PLAGL1: variants seen among roughly 807,000 people sequenced by gnomAD.
PLAGL1 encodes PLAG1 like zinc finger 1, also known as zinc finger protein PLAGL1.
In PLAGL1, 1 loss-of-function variant was observed where a neutral mutation model predicts 4.6. The ratio of observed to expected loss-of-function variants is 0.22; its 90% CI spans 0.08 to 1.03. The LOEUF (loss-of-function observed/expected upper bound fraction) is 1.03, where lower values mean the gene tolerates loss of function less well. Ranked by LOEUF, PLAGL1 falls within the 50% of genes least tolerant of loss-of-function variation. The pLI is 0.58. For synonymous variants in PLAGL1, 240 were observed against 237.8 expected, an observed-to-expected ratio of 1.01 and a Z score of -0.08; for missense variants, 464 against 570.4, an observed-to-expected ratio of 0.81 and a Z score of 1.90.
intron 1 of PLAGL1, among the ~76,000 whole-genome samples, chr6:144,017,110 G>A (rs1026909411): frequency 6.6e-6 from 1 of 152,026 alleles, no homozygotes; most frequent in Admixed American, 6.5e-5. Context: ...CTTTTAGTGT[G>A]TTCAACTCAA....
At position 144,006,288 on chromosome 6, in the gene PLAGL1, C is replaced by G. The variant is rs563726632; in HGVS notation, c.-584+1802G>C. On this transcript the variant is annotated intron_variant, in intron 1 of 7. Coordinates refer to ENST00000674357, the MANE Select transcript of PLAGL1 (RefSeq NM_001317162.2). This position sits in a 1 kb window ranked among gnomAD's most constrained non-coding sequence, Gnocchi z 4.3. ...CTCAGGCTTCTTCAGTTTGCAACAC[C>G]CATATTTTAACATATTTGGGGGGAA... 1 of 152,100 alleles carries G rather than the reference C, an allele frequency of 6.6e-6. No individual in the cohort carries two copies. Among genetic ancestry groups the G allele is most frequent in the Admixed American group, 6.5e-5 (1 of 15,280 alleles). 9.4% of individuals were successfully genotyped at this position (152,100 alleles called of 1,614,324 possible). A position where few individuals can be genotyped will look rare whatever the true frequency, so the allele number is the denominator to read the frequency against.
In PLAGL1 at chr6:144,000,800, AAAAC is replaced by A. The variant is rs964293449; in HGVS notation, c.-584+7286_-584+7289del. On this transcript the variant is annotated intron_variant, in intron 1 of 7. Transcript: ENST00000674357. This position sits in a 1 kb window ranked among gnomAD's most constrained non-coding sequence, Gnocchi z 4.1. ...GGAAATATGGAGAGCTAGACATTCTAAAACAAACCTTTTAATACTTGCAAAGTTC... is the reference window on the plus strand; with the variant it reads ...GGAAATATGGAGAGCTAGACATTCTAAAACCTTTTAATACTTGCAAAGTTC... 1.2e-4 allele frequency among the ~76,000 whole-genome samples: 18 copies of A among 152,162 alleles called. No individual in the cohort carries two copies. Among genetic ancestry groups the A allele is most frequent in the African/African-American group, 4.1e-4 (17 of 41,446 alleles).
chr6:143,996,542 A>G (rs1257721440), intron 1 of PLAGL1, among the ~76,000 whole-genome samples: 3 of 151,898 alleles, frequency 2.0e-5, no homozygotes, highest in Non-Finnish European at 1.5e-5. Context: ...TACTGACAAG[A>G]TGTAGGCAGA....
At position 144,000,118 on chromosome 6, in the gene PLAGL1, T is replaced by G. The variant is rs1250870518; in HGVS notation, c.-584+7972A>C. 6.6e-6 allele frequency among the ~76,000 whole-genome samples: 1 copy of G among 152,142 alleles called. No homozygotes were observed. Among genetic ancestry groups the G allele is most frequent in the Non-Finnish European group, 1.5e-5 (1 of 68,004 alleles). ...AATACAATTCATGATATAAAACTCTTAGAGAACTAGAAGAAGAGAACTTTA... is the reference window on the plus strand; with the variant it reads ...AATACAATTCATGATATAAAACTCTGAGAGAACTAGAAGAAGAGAACTTTA... On this transcript the variant is annotated intron_variant, in intron 1 of 7. Transcript: ENST00000674357. The surrounding 1 kb of genome is among the most constrained non-coding windows in gnomAD (Gnocchi z 4.1).
At chr6:143,946,932 C>T (rs190941394) in intron 7 of PLAGL1, among the ~76,000 whole-genome samples, 16 of 152,320 alleles carry the variant, frequency 1.1e-4, no homozygotes, top group East Asian at 3.9e-4. Context: ...GTCCCAGTAC[C>T]GTGCAGCACA....
chr6:144,027,085 G>C lies in PLAGL1; in HGVS notation c.-151+37383C>G, dbSNP rs775433779. 6.6e-6 allele frequency among the ~76,000 whole-genome samples: 1 copy of C among 151,696 alleles called. No individual in the cohort carries two copies. The highest frequency in any genetic ancestry group is 1.5e-5 in the Non-Finnish European group (1 of 67,976). ...ACAAAATTAAAAAAATTAGTCAGCC[G>C]CGGTGGCATGCATCTGTGATCCCAG... is the stretch of plus-strand genomic sequence containing the variant. On this transcript the variant is annotated intron_variant, in intron 1 of 3. Coordinates refer to the PLAGL1 transcript ENST00000437412. The surrounding 1 kb of genome is among the most constrained non-coding windows in gnomAD (Gnocchi z 5.8).
rs1355375585 is a variant in PLAGL1 at position 143,990,584 on chromosome 6, C to T, written c.-583-5410G>A. Among the ~76,000 whole-genome samples the T allele has an allele frequency of 1.3e-5, 2 of 152,152 alleles. No individual in the cohort carries two copies. The highest frequency in any genetic ancestry group is 2.9e-5 in the Non-Finnish European group (2 of 68,038). On this transcript the variant is annotated intron_variant, in intron 1 of 7. Coordinates refer to ENST00000674357, the MANE Select transcript of PLAGL1 (RefSeq NM_001317162.2). The surrounding 1 kb of genome is among the most constrained non-coding windows in gnomAD (Gnocchi z 5.4). Reference sequence around the variant, plus strand: ...CCCATTCCCCAGGCTCTTATCTCTACCACTCTATCAAAAGATCTTTATCAA... The same window carrying T: ...CCCATTCCCCAGGCTCTTATCTCTATCACTCTATCAAAAGATCTTTATCAA...
At chr6:144,062,149 G>A (rs1048317893) in intron 1 of PLAGL1, among the ~76,000 whole-genome samples, 5 of 152,076 alleles carry the variant, frequency 3.3e-5, no homozygotes, top group Admixed American at 6.6e-5. Context: ...AGATGAAGGC[G>A]GGCAGATCAC....
chr6:143,947,867 A>G lies in PLAGL1; in HGVS notation c.152+118T>C, dbSNP rs1002597901. ...TGGATGCAGATTTCAAGAATCCCTC[A>G]AAGGCTAAAATGCATCCATATCCTG... On this transcript the variant is annotated intron_variant, in intron 7 of 7. Coordinates refer to ENST00000674357, the MANE Select transcript of PLAGL1 (RefSeq NM_001317162.2). The surrounding 1 kb of genome is among the most constrained non-coding windows in gnomAD (Gnocchi z 4.3). 7.8e-6 allele frequency: 6 copies of G among 770,480 alleles called. No homozygotes were observed. Among genetic ancestry groups the G allele is most frequent in the Non-Finnish European group, 1.3e-5 (6 of 476,642 alleles). The allele number at this position is 770,480 out of a possible 1,614,324, so 47.7% of individuals were successfully genotyped here. A position where few individuals can be genotyped will look rare whatever the true frequency, so the allele number is the denominator to read the frequency against.
chr6:144,019,336 G>A (rs1284092763), intron 1 of PLAGL1, among the ~76,000 whole-genome samples: 1 of 152,108 alleles, frequency 6.6e-6, no homozygotes, highest in Non-Finnish European at 1.5e-5. Flanking sequence ...GCCAGGCATG[G>A]TGGTGGGCGC....
Position 144,064,397 on chromosome 6 carries a change from C to G in PLAGL1, c.-151+71G>C, listed in dbSNP as rs555534029. ...CCCACGCGCCCACCTTAACGCCGCG[C>G]CCCCGGCTCCCCGCCCCGCTGCCAG... On this transcript the variant is annotated intron_variant, in intron 1 of 3. Transcript: ENST00000437412. This position sits in a 1 kb window ranked among gnomAD's most constrained non-coding sequence, Gnocchi z 6.8. The G allele has an allele frequency of 6.6e-6, 1 of 152,306 alleles. No individual in the cohort carries two copies. The highest frequency in any genetic ancestry group is 2.1e-4 in the South Asian group (1 of 4,836). The allele number at this position is 152,306 out of a possible 1,614,324, so 9.4% of individuals were successfully genotyped here.
intron 1 of PLAGL1, among the ~76,000 whole-genome samples, chr6:144,002,259 C>G (rs1344104247): frequency 2.0e-5 from 3 of 151,996 alleles, no homozygotes; most frequent in Admixed American, 6.6e-5. Flanking sequence ...GAACTAGAAA[C>G]AGAAGAAAAT....
chr6:144,021,397 T>C (rs1027162586), intron 1 of PLAGL1, among the ~76,000 whole-genome samples: 3 of 152,200 alleles, frequency 2.0e-5, no homozygotes, highest in South Asian at 2.1e-4. Flanking sequence ...ATCTTTAAGG[T>C]ATTGTACACT....
chr6:144,057,761 C>A (rs1181205902), intron 1 of PLAGL1, among the ~76,000 whole-genome samples: 2 of 147,754 alleles, frequency 1.4e-5, no homozygotes. Flanking sequence ...GCCTTCCACA[C>A]CACCACGCCT....
chr6:143,957,898 T>G lies in PLAGL1; in HGVS notation c.-325+2571A>C, dbSNP rs1044536446. Among the ~76,000 whole-genome samples the G allele has an allele frequency of 6.6e-6, 1 of 152,224 alleles. No homozygotes were observed. Among genetic ancestry groups the G allele is most frequent in the Non-Finnish European group, 1.5e-5 (1 of 68,032 alleles). ...ATTTATAGATGACCTCATTGTTTAT[T>G]TTTTGAATATCTGCACTTTCTAAAG... On this transcript the variant is annotated intron_variant, in intron 6 of 7. Coordinates refer to ENST00000674357, the MANE Select transcript of PLAGL1 (RefSeq NM_001317162.2). This position sits in a 1 kb window ranked among gnomAD's most constrained non-coding sequence, Gnocchi z 4.2.
Position 143,952,623 on chromosome 6 carries a change from C to T in PLAGL1, c.-324-4163G>A, listed in dbSNP as rs112764508. 0.03 allele frequency among the ~76,000 whole-genome samples: 4,618 copies of T among 152,182 alleles called. 193 individuals carry two copies. The highest frequency in any genetic ancestry group is 0.094 in the African/African-American group (3,921 of 41,510). On this transcript the variant is annotated intron_variant, in intron 6 of 7. Coordinates refer to ENST00000674357, the MANE Select transcript of PLAGL1 (RefSeq NM_001317162.2). This position sits in a 1 kb window ranked among gnomAD's most constrained non-coding sequence, Gnocchi z 6.1. Reference sequence around the variant, plus strand: ...CAGGAAAGACTGTGTTCCCAGGGGACAGGGGTATACGAGGGTGGAGGGGGG... The same window carrying T: ...CAGGAAAGACTGTGTTCCCAGGGGATAGGGGTATACGAGGGTGGAGGGGGG...
chr6:143,985,341 T>TA lies in PLAGL1; in HGVS notation c.-583-168dup, dbSNP rs1299614301. ...AACAACAGTACAATATCACAACCGA[T>TA]ATGTTTATATTAATACCATCTACTA... is the stretch of plus-strand genomic sequence containing the variant. On this transcript the variant is annotated intron_variant, in intron 1 of 7. Coordinates refer to ENST00000674357, the MANE Select transcript of PLAGL1 (RefSeq NM_001317162.2). This position sits in a 1 kb window ranked among gnomAD's most constrained non-coding sequence, Gnocchi z 4.4. 1 of 152,286 alleles carries TA rather than the reference T, an allele frequency of 6.6e-6. No homozygotes were observed. Among genetic ancestry groups the TA allele is most frequent in the East Asian group, 1.9e-4 (1 of 5,184 alleles). 9.4% of individuals were successfully genotyped at this position (152,286 alleles called of 1,614,324 possible). A position where few individuals can be genotyped will look rare whatever the true frequency, so the allele number is the denominator to read the frequency against.
intron 1 of PLAGL1, among the ~76,000 whole-genome samples, chr6:144,028,273 T>G (rs574621737): frequency 6.6e-6 from 1 of 152,330 alleles, no homozygotes; most frequent in East Asian, 1.9e-4. Flanking sequence ...ATTATATATT[T>G]TAAGTCAGTT....
chr6:144,058,264 C>T lies in PLAGL1; in HGVS notation c.-151+6204G>A, dbSNP rs373753243. ...GAGGGAGTTGCCACAGCATCACACA[C>T]TTTTTAAACAACCAGATCTTGGGTG... On this transcript the variant is annotated intron_variant, in intron 1 of 3. Coordinates refer to the PLAGL1 transcript ENST00000437412. Among the ~76,000 whole-genome samples the T allele has an allele frequency of 9.9e-5, 15 of 152,260 alleles. No homozygotes were observed. In the South Asian group the frequency reaches 2.7e-3, roughly 27 times the overall value.
Sources: gnomAD v4.1 joint callset for allele counts (sites outside exome capture counted in the v4.1 genomes callset) on GRCh38, gnomAD v4.1.1 for gene constraint, Gnocchi (gnomAD v3.1) non-coding constraint, MANE v1.5 for transcripts, NCBI Gene and HGNC (gene_info 2026-07-23, HGNC 2026-07-21) for gene names.